Variants in RASEF observed in about 807,000 individuals in gnomAD.
RASEF encodes RAS and EF-hand domain containing, also known as ras and EF-hand domain-containing protein.
RASEF carries 68 observed loss-of-function variants against 90.1 expected under a neutral mutation model. That is an observed-to-expected ratio of 0.75 (90% CI 0.62 to 0.92). The LOEUF (loss-of-function observed/expected upper bound fraction) is 0.92, where lower values mean the gene tolerates loss of function less well. RASEF is among the 40% of genes least tolerant of loss of function. RASEF has a pLI of 0.00. For synonymous variants in RASEF, 331 were observed against 345.2 expected, an observed-to-expected ratio of 0.96 and a Z score of 0.46; for missense variants, 949 against 937.2, an observed-to-expected ratio of 1.01 and a Z score of -0.16.
At chr9:83,193,184 G>A in the RASEF span, among the ~76,000 whole-genome samples, 2 of 152,196 alleles carry the variant, frequency 1.3e-5, no homozygotes, top group Admixed American at 6.5e-5. Context: ...GCAGGCAGCT[G>A]TAGTGCCAGG....
At chr9:83,201,718 G>A in the RASEF span, among the ~76,000 whole-genome samples, 1 of 152,032 alleles carries the variant, frequency 6.6e-6, no homozygotes, top group African/African-American at 2.4e-5. Flanking sequence ...TTTCATGCTT[G>A]GAATATGTAA....
chr9:83,038,963 A>G (rs1829790599), intron 1 of RASEF, among the ~76,000 whole-genome samples: 1 of 152,198 alleles, frequency 6.6e-6, no homozygotes, highest in Non-Finnish European at 1.5e-5. Context: ...CTTTTCAACA[A>G]GGAGACAAAG....
intron 1 of RASEF, among the ~76,000 whole-genome samples, chr9:83,053,775 A>G (rs1283898900): frequency 1.4e-5 from 2 of 144,090 alleles, no homozygotes; most frequent in African/African-American, 2.8e-5. Context: ...GCTCGTCTAT[A>G]AAGTATTTTA....
chr9:83,179,428 A>C, the RASEF span, among the ~76,000 whole-genome samples: 1 of 152,306 alleles, frequency 6.6e-6, no homozygotes, highest in East Asian at 1.9e-4. Context: ...TTCCTTCCTG[A>C]GTACCCTTTT....
rs532301110 is a variant in RASEF, at chr9:82,981,258, G to C, written c.*1419C>G. 2 of 152,274 alleles carry C rather than the reference G, an allele frequency of 1.3e-5. No homozygotes were observed. The highest frequency in any genetic ancestry group is 1.9e-4 in the East Asian group (1 of 5,164). The allele number at this position is 152,274 out of a possible 1,614,324, so 9.4% of individuals were successfully genotyped here. On this transcript the variant is annotated 3_prime_UTR_variant, in exon 17 of 17. Coordinates refer to ENST00000376447, the MANE Select transcript of RASEF (RefSeq NM_152573.4). Reference sequence around the variant, plus strand: ...CAAGTGTTGACTCCTTTGGCTCTTAGAGGCATCTCAGTGGGGAGGTCTGGG... The same window carrying C: ...CAAGTGTTGACTCCTTTGGCTCTTACAGGCATCTCAGTGGGGAGGTCTGGG...
the RASEF span, among the ~76,000 whole-genome samples, chr9:83,115,941 A>T: frequency 6.6e-6 from 1 of 152,298 alleles, no homozygotes; most frequent in East Asian, 1.9e-4. Context: ...AATTAAAACC[A>T]TGTCTATCTA....
the RASEF span, among the ~76,000 whole-genome samples, chr9:83,125,456 T>C: frequency 3.3e-5 from 5 of 152,224 alleles, no homozygotes; most frequent in Non-Finnish European, 7.3e-5. Flanking sequence ...CAATTAGTTA[T>C]AGCACCAGTA....
In RASEF at chr9:83,025,992, G is replaced by T; in HGVS notation, c.432-71C>A. 4.5e-6 allele frequency: 5 copies of T among 1,111,450 alleles called. No homozygotes were observed. In the South Asian group the frequency reaches 7.0e-5, roughly 16 times the overall value. The allele number at this position is 1,111,450 out of a possible 1,614,324, so 68.8% of individuals were successfully genotyped here. A position where few individuals can be genotyped will look rare whatever the true frequency, so the allele number is the denominator to read the frequency against. ...AGGCAACTCTGCAGGGGGCTTTTAAGAAAGAGAAACATAAATGAAGAACTA... is the reference window on the plus strand; with the variant it reads ...AGGCAACTCTGCAGGGGGCTTTTAATAAAGAGAAACATAAATGAAGAACTA... On this transcript the variant is annotated intron_variant, in intron 1 of 16. Coordinates refer to ENST00000376447, the MANE Select transcript of RASEF (RefSeq NM_152573.4).
At chr9:83,074,669 G>C in the RASEF span, among the ~76,000 whole-genome samples, 1 of 152,204 alleles carries the variant, frequency 6.6e-6, no homozygotes, top group Non-Finnish European at 1.5e-5. Context: ...CTTTCACACT[G>C]CAAGAAAATG....
chr9:83,171,830 T>C, the RASEF span, among the ~76,000 whole-genome samples: 5 of 151,888 alleles, frequency 3.3e-5, no homozygotes, highest in East Asian at 5.8e-4. Context: ...GTCTAGTTAG[T>C]GGTTTATCAA....
intron 1 of RASEF, among the ~76,000 whole-genome samples, chr9:83,062,129 C>T (rs927742707): frequency 2.0e-5 from 3 of 152,200 alleles, no homozygotes; most frequent in Admixed American, 6.5e-5. Context: ...AGATGTGGCG[C>T]GCGCGCCTAA....
At chr9:83,183,132 T>C in the RASEF span, among the ~76,000 whole-genome samples, 2 of 152,268 alleles carry the variant, frequency 1.3e-5, no homozygotes, top group South Asian at 4.1e-4. Flanking sequence ...TCAAATTATA[T>C]TCTATATCCA....
the RASEF span, among the ~76,000 whole-genome samples, chr9:83,151,956 G>A: frequency 6.6e-6 from 1 of 152,148 alleles, no homozygotes; most frequent in Non-Finnish European, 1.5e-5. Context: ...AAAACACGGC[G>A]TCGCAAAACC....
chr9:83,214,247 G>A, the RASEF span, among the ~76,000 whole-genome samples: 115 of 152,260 alleles, frequency 7.6e-4, 3 homozygotes, highest in South Asian at 0.024. Flanking sequence ...AGCCAGGCAT[G>A]TTGGTGTGCA....
At chr9:83,097,149 G>C in the RASEF span, among the ~76,000 whole-genome samples, 6 of 152,330 alleles carry the variant, frequency 3.9e-5, no homozygotes, top group South Asian at 1.2e-3. Flanking sequence ...TATATACCCA[G>C]TAATGGGATG....
chr9:83,059,806 G>C (rs1261506856), intron 1 of RASEF, among the ~76,000 whole-genome samples: 1 of 152,106 alleles, frequency 6.6e-6, no homozygotes, highest in Non-Finnish European at 1.5e-5. Context: ...GCCAGGCTCA[G>C]CTTACCCGGT....
the RASEF span, among the ~76,000 whole-genome samples, chr9:83,169,924 T>A: frequency 6.6e-6 from 1 of 152,062 alleles, no homozygotes; most frequent in Non-Finnish European, 1.5e-5. Context: ...ATAAGCTTTT[T>A]AGCTTGATAT....
At chr9:83,128,429 C>T in the RASEF span, among the ~76,000 whole-genome samples, 8 of 151,060 alleles carry the variant, frequency 5.3e-5, no homozygotes, top group Middle Eastern at 3.5e-3. Context: ...TCTACACTGT[C>T]GTGCCCAATT....
the RASEF span, among the ~76,000 whole-genome samples, chr9:83,163,536 C>T: frequency 1.4e-4 from 22 of 152,212 alleles, no homozygotes; most frequent in Non-Finnish European, 2.5e-4. Context: ...AATTCTAAGA[C>T]AACCAAAGAG....
Sources: gnomAD v4.1 joint callset for allele counts (sites outside exome capture counted in the v4.1 genomes callset) on GRCh38, gnomAD v4.1.1 for gene constraint, MANE v1.5 for transcripts, NCBI Gene and HGNC (gene_info 2026-07-23, HGNC 2026-07-21) for gene names.